The following POR variants were observed in gnomAD, a reference collection of about 807,000 sequenced individuals.
POR encodes the protein NADPH--cytochrome P450 reductase.
A neutral mutation model predicts 84.0 loss-of-function variants in POR; 56 were observed. The ratio of observed to expected loss-of-function variants is 0.67; its 90% CI spans 0.54 to 0.83. The LOEUF (loss-of-function observed/expected upper bound fraction) is 0.83, where lower values mean the gene tolerates loss of function less well. Among genes scored for constraint, POR ranks in the 40% least tolerant of loss-of-function variants. The pLI is 0.00. For missense variants in POR, 938 were observed against 944.3 expected, an observed-to-expected ratio of 0.99 and a Z score of 0.09; for synonymous variants, 414 against 400.5, an observed-to-expected ratio of 1.03 and a Z score of -0.40.
chr7:75,917,697 G>A (rs377378553), intron 1 of POR, among the ~76,000 whole-genome samples: 4 of 152,006 alleles, frequency 2.6e-5, no homozygotes, highest in Non-Finnish European at 4.4e-5. Context: ...AGGCTGGAGC[G>A]CAGTGGGCTC....
chr7:75,965,809 T>C lies in POR; in HGVS notation c.189-6604T>C, dbSNP rs371670633. On this transcript the variant is annotated intron_variant, in intron 2 of 15. Transcript: ENST00000461988. ...TGATGTGAACACGTGCTGGAGGACA[T>C]GGTCGGGGGGAATGAGGGAGCGGCA... 5.9e-5 allele frequency among the ~76,000 whole-genome samples: 9 copies of C among 152,048 alleles called. No homozygotes were observed. In the South Asian group the frequency reaches 1.5e-3, roughly 25 times the overall value.
At chr7:75,979,627 C>T (rs1554557351) in intron 4 of POR, 48 bp downstream of exon 4, 2 of 1,605,868 alleles carry the variant, frequency 1.2e-6, no homozygotes, top group South Asian at 2.2e-5. Context: ...GTGGGTAGGA[C>T]AGGGAGCAGG....
At chr7:75,962,013 C>CA (rs782366811) in intron 2 of POR, among the ~76,000 whole-genome samples, 354 of 128,630 alleles carry the variant, frequency 2.8e-3, no homozygotes, top group African/African-American at 5.6e-3. Context: ...GACCCTGTCT[C>CA]AAAAAAAAAA....
chr7:75,940,511 G>GCT (rs1554551377), intron 1 of POR, among the ~76,000 whole-genome samples: 1 of 151,780 alleles, frequency 6.6e-6, no homozygotes, highest in Non-Finnish European at 1.5e-5. Context: ...GTGGCCGGGT[G>GCT]CAGTGGCTCA....
Position 75,967,005 on chromosome 7 carries a change from T to G in POR, c.189-5408T>G, listed in dbSNP as rs573853505. On this transcript the variant is annotated intron_variant, in intron 2 of 15. Coordinates refer to ENST00000461988, the MANE Select transcript of POR (RefSeq NM_000941.3). ...TTTTTCTTGAGACAGGGTCTCACTC[T>G]GTCAACCAGGTTGGAGTGCAGTGGC... 2.6e-5 allele frequency among the ~76,000 whole-genome samples: 4 copies of G among 152,330 alleles called. No individual in the cohort carries two copies. In the East Asian group the frequency reaches 7.7e-4, roughly 29 times the overall value.
intron 1 of POR, among the ~76,000 whole-genome samples, chr7:75,925,872 G>A (rs1554549416): frequency 6.6e-6 from 1 of 152,086 alleles, no homozygotes; most frequent in Non-Finnish European, 1.5e-5. Context: ...GAATCAGAGC[G>A]ATTATTTTAG....
intron 3 of POR, among the ~76,000 whole-genome samples, chr7:75,976,572 C>T (rs1036260870): frequency 2.0e-5 from 3 of 151,834 alleles, no homozygotes; most frequent in African/African-American, 7.3e-5. Flanking sequence ...ATGGTGAAAC[C>T]CTGTCTCTAC....
chr7:75,954,865 G>A (rs1179374582), intron 2 of POR, among the ~76,000 whole-genome samples: 3 of 151,930 alleles, frequency 2.0e-5, no homozygotes, highest in Non-Finnish European at 2.9e-5. Flanking sequence ...CCGCCACCAC[G>A]CCTGGCTATT....
intron 2 of POR, among the ~76,000 whole-genome samples, chr7:75,961,497 G>T (rs1320570529): frequency 2.0e-5 from 3 of 152,100 alleles, no homozygotes; most frequent in Non-Finnish European, 2.9e-5. Flanking sequence ...GAATGCTAGA[G>T]TGCTTTAAAG....
chr7:75,959,256 C>A (rs1044701921), intron 2 of POR, among the ~76,000 whole-genome samples: 1 of 152,264 alleles, frequency 6.6e-6, no homozygotes, highest in East Asian at 1.9e-4. Flanking sequence ...CTAGCTGATA[C>A]AACCAGGCCT....
rs545475316 is a variant in POR at position 75,915,189 on chromosome 7, A to C, written c.-5+10A>C. 2 of 154,428 alleles carry C rather than the reference A, an allele frequency of 1.3e-5. No homozygotes were observed. Among genetic ancestry groups the C allele is most frequent in the African/African-American group, 2.4e-5 (1 of 41,502 alleles). 9.6% of individuals were successfully genotyped at this position (154,428 alleles called of 1,614,324 possible). On this transcript the variant is annotated intron_variant, in intron 1 of 15. Transcript: ENST00000461988. Reference sequence around the variant, plus strand: ...AGCCGGGCTGCCAGCGGTGAGTGCTATCTTTCGCGGCGACGGCGGGGTGGG... The same window carrying C: ...AGCCGGGCTGCCAGCGGTGAGTGCTCTCTTTCGCGGCGACGGCGGGGTGGG...
chr7:75,985,164 C>G lies in POR; in HGVS notation c.1355C>G (p.Pro452Arg). 1.3e-6 allele frequency: 2 copies of G among 1,599,172 alleles called. No individual in the cohort carries two copies. Among genetic ancestry groups the G allele is most frequent in the Non-Finnish European group, 1.7e-6 (2 of 1,179,308 alleles). ...ATCGACCACCTGTGTGAGCTGCTGCCGCGCCTGCAGGCCCGCTACTACTCC... is the reference window on the plus strand; with the variant it reads ...ATCGACCACCTGTGTGAGCTGCTGCGGCGCCTGCAGGCCCGCTACTACTCC... The change falls in exon 12 of 16, where the codon CCG becomes CGG. Residue 452 changes from proline (P) to arginine (R), a missense_variant. Physicochemically the swap from Pro to Arg is moderately radical, Grantham distance 103. Coordinates refer to ENST00000461988, the MANE Select transcript of POR (RefSeq NM_000941.3).
At position 75,985,150 on chromosome 7, in the gene POR, G is replaced by A. The variant is rs782298418; in HGVS notation, c.1341G>A (p.Leu447=). ...CCCTGCGGCCCCCCATCGACCACCT[G>A]TGTGAGCTGCTGCCGCGCCTGCAGG... Residue 447 remains leucine, a synonymous_variant, in exon 12 of 16, where the codon CTG becomes CTA. Coordinates refer to ENST00000461988, the MANE Select transcript of POR (RefSeq NM_000941.3). The A allele has an allele frequency of 1.9e-6, 3 of 1,599,730 alleles. No individual in the cohort carries two copies. Among genetic ancestry groups the A allele is most frequent in the East Asian group, 4.5e-5 (2 of 44,858 alleles).
chr7:75,980,382 T>A lies in POR; in HGVS notation c.410T>A (p.Val137Asp). 1 of 1,612,880 alleles carries A rather than the reference T, an allele frequency of 6.2e-7. No individual in the cohort carries two copies. The highest frequency in any genetic ancestry group is 2.2e-5 in the East Asian group (1 of 44,842). The change falls in exon 5 of 16, where the codon GTT becomes GAT. Residue 137 changes from valine (V) to aspartate (D), a missense_variant. Physicochemically the swap from Val to Asp is radical, Grantham distance 152. Coordinates refer to ENST00000461988, the MANE Select transcript of POR (RefSeq NM_000941.3). Reference sequence around the variant, plus strand: ...CCAGAGATCGACAACGCCCTGGTGGTTTTCTGCATGGCCACCTACGGTGAG... The same window carrying A: ...CCAGAGATCGACAACGCCCTGGTGGATTTCTGCATGGCCACCTACGGTGAG...
rs554729671 is a variant in POR at position 75,926,641 on chromosome 7, A to T, written c.-5+11462A>T. ...AGAAACCTGTCTCTACTAAAAATAC[A>T]AAATTAGCCGGGCGTGGTGGTGCAT... On this transcript the variant is annotated intron_variant, in intron 1 of 15. Coordinates refer to ENST00000461988, the MANE Select transcript of POR (RefSeq NM_000941.3). 9.2e-5 allele frequency among the ~76,000 whole-genome samples: 14 copies of T among 152,212 alleles called. No individual in the cohort carries two copies. The South Asian group carries it at 2.9e-3, about 32-fold the overall frequency.
At chr7:75,984,716 C>T in intron 10 of POR, 61 bp from the exon 11 acceptor site, 2 of 1,495,670 alleles carry the variant, frequency 1.3e-6, no homozygotes, top group Non-Finnish European at 1.9e-6. Context: ...CCTCCTGCCG[C>T]AGCCACCCAT....
intron 2 of POR, among the ~76,000 whole-genome samples, chr7:75,968,550 C>G (rs1283142566): frequency 6.6e-6 from 1 of 152,264 alleles, no homozygotes; most frequent in East Asian, 1.9e-4. Context: ...AGCCCGTGAA[C>G]TTTGCTTCTT....
At chr7:75,973,674 C>CTTCT (rs1788544033) in intron 3 of POR, among the ~76,000 whole-genome samples, 1 of 64,934 alleles carries the variant, frequency 1.5e-5, no homozygotes, top group Non-Finnish European at 2.5e-5. Context: ...CCAGACCTTG[C>CTTCT]TTTTTTTTTT....
At chr7:75,953,543 G>A (rs1787546506) in intron 1 of POR, among the ~76,000 whole-genome samples, 1 of 152,080 alleles carries the variant, frequency 6.6e-6, no homozygotes, top group Non-Finnish European at 1.5e-5. Context: ...CTTGGAACAT[G>A]CAGGGTTTAG....
Sources: allele counts gnomAD v4.1 joint callset (sites outside exome capture counted in the v4.1 genomes callset), GRCh38; gene constraint gnomAD v4.1.1; transcripts MANE v1.5; gene names NCBI Gene and HGNC (gene_info 2026-07-23, HGNC 2026-07-21).